GRID2: variants seen among roughly 807,000 people sequenced by gnomAD.
GRID2 encodes the protein glutamate receptor ionotropic, delta-2.
GRID2 carries 33 observed loss-of-function variants against 114.8 expected under a neutral mutation model. The observed-to-expected ratio is 0.29, with a 90% CI of 0.22 to 0.38. GRID2 has a LOEUF of 0.38. Ranked by LOEUF, GRID2 falls within the 10% of genes least tolerant of loss-of-function variation. The pLI, the probability that GRID2 is intolerant of heterozygous loss-of-function variation, is 1.00. For synonymous variants in GRID2, 505 were observed against 449.9 expected, an observed-to-expected ratio of 1.12 and a Z score of -1.55; for missense variants, 1,184 against 1,257.7, an observed-to-expected ratio of 0.94 and a Z score of 0.89.
chr4:93,679,177 A>C (rs138342434), intron 14 of GRID2, among the ~76,000 whole-genome samples: 1 of 151,284 alleles, frequency 6.6e-6, no homozygotes. Flanking sequence ...AAAAGAGACA[A>C]AGAAGGCCAT....
intron 2 of GRID2, among the ~76,000 whole-genome samples, chr4:92,973,091 T>C (rs985020192): frequency 6.6e-6 from 1 of 152,164 alleles, no homozygotes; most frequent in Admixed American, 6.5e-5. Flanking sequence ...GTCTTTATAA[T>C]AGAATGATTT....
intron 14 of GRID2, among the ~76,000 whole-genome samples, chr4:93,727,363 T>C (rs1208507757): frequency 6.6e-6 from 1 of 152,186 alleles, no homozygotes; most frequent in East Asian, 1.9e-4. Context: ...ATAAGCTTTT[T>C]GATGTGCTGC....
chr4:93,005,725 G>T (rs1309957521), intron 2 of GRID2, among the ~76,000 whole-genome samples: 1 of 151,954 alleles, frequency 6.6e-6, no homozygotes, highest in Non-Finnish European at 1.5e-5. Flanking sequence ...CCATTAAAAG[G>T]AATGATACAC....
At chr4:93,675,919 C>T (rs1212302737) in intron 14 of GRID2, among the ~76,000 whole-genome samples, 3 of 152,168 alleles carry the variant, frequency 2.0e-5, no homozygotes, top group Non-Finnish European at 4.4e-5. Flanking sequence ...ACAATTTTCA[C>T]GCGTCACTGA....
chr4:93,084,663 A>G (rs1033982995), intron 2 of GRID2, among the ~76,000 whole-genome samples: 6 of 152,222 alleles, frequency 3.9e-5, no homozygotes, highest in South Asian at 4.1e-4. Flanking sequence ...TTGAATATCT[A>G]TCATGTGAGA....
chr4:92,904,245 T>C (rs1046913717), intron 2 of GRID2, among the ~76,000 whole-genome samples: 1 of 151,334 alleles, frequency 6.6e-6, no homozygotes, highest in Non-Finnish European at 1.5e-5. Context: ...TGTATACTCA[T>C]AAAAGTTTAA....
At chr4:93,121,650 T>A (rs1180936226) in intron 4 of GRID2, among the ~76,000 whole-genome samples, 1 of 152,156 alleles carries the variant, frequency 6.6e-6, no homozygotes, top group Non-Finnish European at 1.5e-5. Flanking sequence ...AGTATATACT[T>A]AGGAATGAAA....
intron 14 of GRID2, among the ~76,000 whole-genome samples, chr4:93,630,326 G>A (rs1348130890): frequency 6.6e-6 from 1 of 152,106 alleles, no homozygotes; most frequent in Non-Finnish European, 1.5e-5. Flanking sequence ...AAAACATTTA[G>A]TCATATGTTG....
chr4:92,800,114 C>T (rs1052777974), intron 2 of GRID2, among the ~76,000 whole-genome samples: 1 of 151,634 alleles, frequency 6.6e-6, no homozygotes, highest in Non-Finnish European at 1.5e-5. Flanking sequence ...TCTCATTACC[C>T]CTTTTTATAT....
intron 8 of GRID2, among the ~76,000 whole-genome samples, chr4:93,261,840 A>G (rs1046552395): frequency 4.0e-5 from 6 of 151,686 alleles, no homozygotes; most frequent in South Asian, 4.2e-4. Context: ...TCTCTTTTGC[A>G]TATTCTTCCT....
At chr4:92,831,944 C>T (rs1375592408) in intron 2 of GRID2, among the ~76,000 whole-genome samples, 2 of 152,012 alleles carry the variant, frequency 1.3e-5, no homozygotes, top group Non-Finnish European at 2.9e-5. Context: ...CTACCTACAT[C>T]TTAACATGGC....
intron 2 of GRID2, among the ~76,000 whole-genome samples, chr4:92,942,859 G>T (rs1050453997): frequency 6.6e-6 from 1 of 152,130 alleles, no homozygotes. Flanking sequence ...GAAATTCTGG[G>T]TTGAAAATTC....
At chr4:93,443,572 C>T (rs1721815498) in intron 10 of GRID2, among the ~76,000 whole-genome samples, 1 of 151,908 alleles carries the variant, frequency 6.6e-6, no homozygotes, top group Non-Finnish European at 1.5e-5. Context: ...CTCAGGCAAG[C>T]TATTTACCTT....
intron 8 of GRID2, among the ~76,000 whole-genome samples, chr4:93,380,430 C>A (rs1300408616): frequency 6.7e-6 from 1 of 150,092 alleles, no homozygotes; most frequent in Non-Finnish European, 1.5e-5. Flanking sequence ...AAGCAGATGA[C>A]TTTGGGGCAG....
At chr4:92,721,075 A>G (rs775018480) in intron 2 of GRID2, among the ~76,000 whole-genome samples, 2 of 152,134 alleles carry the variant, frequency 1.3e-5, no homozygotes. Flanking sequence ...ATATTGTATG[A>G]TTCTACTATA....
At chr4:93,601,302 C>T (rs946014103) in intron 13 of GRID2, among the ~76,000 whole-genome samples, 2 of 152,126 alleles carry the variant, frequency 1.3e-5, no homozygotes, top group Non-Finnish European at 2.9e-5. Flanking sequence ...TATATGCCTA[C>T]TCAAGGAAGT....
At chr4:92,967,137 C>T (rs1753206798) in intron 2 of GRID2, among the ~76,000 whole-genome samples, 1 of 151,856 alleles carries the variant, frequency 6.6e-6, no homozygotes, top group Non-Finnish European at 1.5e-5. Context: ...TTCCAATTAG[C>T]ATTTAAAATC....
intron 4 of GRID2, among the ~76,000 whole-genome samples, chr4:93,134,315 C>T (rs1165974846): frequency 6.6e-6 from 1 of 152,112 alleles, no homozygotes; most frequent in Non-Finnish European, 1.5e-5. Flanking sequence ...ACTTACAAAT[C>T]TCACTGAAAA....
intron 2 of GRID2, among the ~76,000 whole-genome samples, chr4:93,056,660 A>C (rs1166719634): frequency 6.6e-6 from 1 of 151,984 alleles, no homozygotes; most frequent in African/African-American, 2.4e-5. Flanking sequence ...CATTAATAAG[A>C]GTATTAATTT....
Sources: gnomAD v4.1 joint callset for allele counts (sites outside exome capture counted in the v4.1 genomes callset) on GRCh38, gnomAD v4.1.1 for gene constraint, MANE v1.5 for transcripts, NCBI Gene and HGNC (gene_info 2026-07-23, HGNC 2026-07-21) for gene names.